CNTNAP2: variants seen among roughly 807,000 people sequenced by gnomAD.
The protein encoded by CNTNAP2 is contactin associated protein 2.
CNTNAP2 carries 98 observed loss-of-function variants against 155.2 expected under a neutral mutation model. That is an observed-to-expected ratio of 0.63 (90% CI 0.54 to 0.75). The LOEUF is 0.75. Ranked by LOEUF, CNTNAP2 falls within the 30% of genes least tolerant of loss-of-function variation. CNTNAP2 has a pLI of 0.00. For missense variants in CNTNAP2, 1,727 were observed against 1,688.1 expected (o/e 1.02, Z -0.40); for synonymous variants, 651 against 631.2 (o/e 1.03, Z -0.47).
intron 13 of CNTNAP2, among the ~76,000 whole-genome samples, chr7:147,649,945 T>A (rs1457450229): frequency 6.6e-6 from 1 of 152,006 alleles, no homozygotes; most frequent in Non-Finnish European, 1.5e-5. Context: ...TTTTAAAAAG[T>A]ACTGACAATT....
intron 1 of CNTNAP2, among the ~76,000 whole-genome samples, chr7:146,416,058 G>A (rs956382226): frequency 2.6e-5 from 4 of 151,704 alleles, no homozygotes; most frequent in Non-Finnish European, 5.9e-5. Flanking sequence ...AATCATGGAA[G>A]AATATTCCTT....
At chr7:146,354,666 C>A (rs1404241673) in intron 1 of CNTNAP2, among the ~76,000 whole-genome samples, 1 of 152,132 alleles carries the variant, frequency 6.6e-6, no homozygotes, top group Non-Finnish European at 1.5e-5. Context: ...CCACCCACCT[C>A]AGCCTCCCAA....
At position 147,618,702 on chromosome 7, in the gene CNTNAP2, CTATTAT is replaced by C. The variant is rs879621798; in HGVS notation, c.1898-20403_1898-20398del. Among the ~76,000 whole-genome samples the C allele has an allele frequency of 8.6e-3, 1,138 of 132,382 alleles. 12 individuals carry two copies. Among genetic ancestry groups the C allele is most frequent in the African/African-American group, 0.036 (1,039 of 29,140 alleles). The allele number at this position is 132,382 out of a possible 152,430, so 86.8% of individuals were successfully genotyped here. On this transcript the variant is annotated intron_variant, in intron 12 of 23. Transcript: ENST00000361727. ...AGCTATTATATATATATAATAACAG[CTATTAT>C]ACACACACACACACACACACACACT...
chr7:146,695,744 C>T (rs940900486), intron 1 of CNTNAP2, among the ~76,000 whole-genome samples: 1 of 152,008 alleles, frequency 6.6e-6, no homozygotes, highest in African/African-American at 2.4e-5. Flanking sequence ...GTTTAATTTA[C>T]AAATAAGCAT....
At chr7:148,328,075 A>T (rs985448880) in intron 21 of CNTNAP2, among the ~76,000 whole-genome samples, 3 of 152,214 alleles carry the variant, frequency 2.0e-5, no homozygotes, top group Admixed American at 6.5e-5. Context: ...GGAAACCTCT[A>T]AGGCACAAGT....
chr7:148,361,031 A>C (rs923756010), intron 21 of CNTNAP2, among the ~76,000 whole-genome samples: 1 of 151,038 alleles, frequency 6.6e-6, no homozygotes, highest in African/African-American at 2.4e-5. Context: ...CTGGTCTTGA[A>C]CTCCTAACCT....
chr7:147,937,760 C>A (rs1348906612), intron 14 of CNTNAP2, among the ~76,000 whole-genome samples: 3 of 152,112 alleles, frequency 2.0e-5, no homozygotes, highest in Non-Finnish European at 4.4e-5. Context: ...ATTTTCGAAA[C>A]CCCTTTGAGA....
intron 2 of CNTNAP2, among the ~76,000 whole-genome samples, chr7:146,806,001 T>A (rs1802960740): frequency 6.6e-6 from 1 of 152,118 alleles, no homozygotes; most frequent in African/African-American, 2.4e-5. Context: ...ACAAGATAGG[T>A]CAATCTCATT....
intron 1 of CNTNAP2, among the ~76,000 whole-genome samples, chr7:146,591,217 A>G (rs764753666): frequency 2.6e-4 from 39 of 152,310 alleles, no homozygotes; most frequent in Middle Eastern, 3.4e-3. Flanking sequence ...CTTGAATTCA[A>G]TCCCCAAGAT....
chr7:147,357,499 C>T (rs1173801446), intron 9 of CNTNAP2, among the ~76,000 whole-genome samples: 2 of 152,004 alleles, frequency 1.3e-5, no homozygotes, highest in African/African-American at 2.4e-5. Context: ...CAGCAGCAGT[C>T]GGTACTGAAA....
intron 13 of CNTNAP2, among the ~76,000 whole-genome samples, chr7:147,733,626 T>C (rs142715006): frequency 0.19 from 28,364 of 152,136 alleles, 3,039 homozygotes; most frequent in Middle Eastern, 0.38. Flanking sequence ...GCCATTTTCA[T>C]GATATTGATT....
intron 1 of CNTNAP2, among the ~76,000 whole-genome samples, chr7:146,421,263 G>T (rs934517638): frequency 1.4e-4 from 21 of 151,946 alleles, no homozygotes; most frequent in African/African-American, 5.1e-4. Context: ...GAATTAGATT[G>T]AACTATTACT....
rs562486060 is a variant in CNTNAP2, at chr7:146,145,105, G to A, written c.97+28132G>A. Among the ~76,000 whole-genome samples the A allele has an allele frequency of 4.6e-5, 7 of 152,266 alleles. 1 individual carries two copies. In the South Asian group the frequency reaches 1.5e-3, roughly 32 times the overall value. ...ACTCTGCAAAATAAATATACAAAAT[G>A]TGATCCTGACATTCAGAAACTCATC... On this transcript the variant is annotated intron_variant, in intron 1 of 23. Coordinates refer to ENST00000361727, the MANE Select transcript of CNTNAP2 (RefSeq NM_014141.6).
At chr7:147,188,233 G>A (rs931391175) in intron 8 of CNTNAP2, among the ~76,000 whole-genome samples, 1 of 152,166 alleles carries the variant, frequency 6.6e-6, no homozygotes, top group African/African-American at 2.4e-5. Flanking sequence ...TAAACAACAT[G>A]GGTTTGCAGA....
At chr7:147,708,137 G>A (rs1162431272) in intron 13 of CNTNAP2, among the ~76,000 whole-genome samples, 1 of 152,190 alleles carries the variant, frequency 6.6e-6, no homozygotes, top group Non-Finnish European at 1.5e-5. Flanking sequence ...TGCTACTGGG[G>A]AAGGCAAGGT....
At position 148,419,318 on chromosome 7, in the gene CNTNAP2, G is replaced by C. The variant is rs1430481334; in HGVS notation, c.*3702G>C. On this transcript the variant is annotated 3_prime_UTR_variant, in exon 24 of 24. Transcript: ENST00000361727. ...GCCAAAGATAGGTCCTAAATTGCTAGTCCCAGTAGAACCACCTGATCCTAA... is the reference window on the plus strand; with the variant it reads ...GCCAAAGATAGGTCCTAAATTGCTACTCCCAGTAGAACCACCTGATCCTAA... 6.6e-6 allele frequency: 1 copy of C among 152,190 alleles called. No individual in the cohort carries two copies. The highest frequency in any genetic ancestry group is 1.5e-5 in the Non-Finnish European group (1 of 68,054). 9.4% of individuals were successfully genotyped at this position (152,190 alleles called of 1,614,324 possible). A position where few individuals can be genotyped will look rare whatever the true frequency, so the allele number is the denominator to read the frequency against.
chr7:146,905,941 G>A lies in CNTNAP2; in HGVS notation c.402+66037G>A, dbSNP rs557885100. On this transcript the variant is annotated intron_variant, in intron 3 of 23. Transcript: ENST00000361727. ...AGTGGGCGCAGGCCAGTGGGTGCACGCACCACACCGTGCGCGAGCCGAAGC... is the reference window on the plus strand; with the variant it reads ...AGTGGGCGCAGGCCAGTGGGTGCACACACCACACCGTGCGCGAGCCGAAGC... Among the ~76,000 whole-genome samples the A allele has an allele frequency of 5.6e-4, 86 of 152,290 alleles. 1 individual carries two copies. The highest frequency in any genetic ancestry group is 1.2e-3 in the Admixed American group (19 of 15,300).
intron 23 of CNTNAP2, among the ~76,000 whole-genome samples, chr7:148,410,135 T>C (rs965737494): frequency 2.6e-5 from 4 of 151,010 alleles, no homozygotes; most frequent in East Asian, 1.9e-4. Flanking sequence ...AAAAAACAAA[T>C]AGCAGTGGAA....
chr7:146,663,825 C>T (rs10952650), intron 1 of CNTNAP2, among the ~76,000 whole-genome samples: 90,441 of 151,616 alleles, frequency 0.6, 31,001 homozygotes, highest in South Asian at 0.85. Flanking sequence ...TTGCTCCTTT[C>T]CAATCTATAT....
Sources: gnomAD v4.1 joint callset for allele counts (sites outside exome capture counted in the v4.1 genomes callset) on GRCh38, gnomAD v4.1.1 for gene constraint, MANE v1.5 for transcripts, NCBI Gene and HGNC (gene_info 2026-07-23, HGNC 2026-07-21) for gene names.